The following ALDH1A3 variants were observed in gnomAD, a reference collection of about 807,000 sequenced individuals.
ALDH1A3 encodes the protein aldehyde dehydrogenase 1 family member A3, also known as retinaldehyde dehydrogenase 3.
ALDH1A3 carries 28 observed loss-of-function variants against 57.5 expected under a neutral mutation model. The ratio of observed to expected loss-of-function variants is 0.49; its 90% confidence interval spans 0.36 to 0.67. ALDH1A3 has a LOEUF of 0.67. Ranked by LOEUF, ALDH1A3 falls within the 30% of genes least tolerant of loss-of-function variation. ALDH1A3 has a pLI of 0.00. For synonymous variants in ALDH1A3, 281 were observed against 264.8 expected, an observed-to-expected ratio of 1.06 and a Z score of -0.59; for missense variants, 507 against 669.4, an observed-to-expected ratio of 0.76 and a Z score of 2.68.
At chr15:100,909,688 T>C (rs535345493) in intron 12 of ALDH1A3, among the ~76,000 whole-genome samples, 13 of 152,196 alleles carry the variant, frequency 8.5e-5, no homozygotes, top group Non-Finnish European at 1.9e-4. Flanking sequence ...TTTAGATTAA[T>C]GGGTGGAACT....
chr15:100,909,534 TGTGTGCAAACTCCTCC>T, intron 12 of ALDH1A3, among the ~76,000 whole-genome samples: 1 of 123,696 alleles, frequency 8.1e-6, no homozygotes, highest in South Asian at 3.2e-4. Flanking sequence ...CCTCCACATG[TGTGTGCAAACTCCTCC>T]GTGTGTGTAA....
chr15:100,894,372 G>A lies in ALDH1A3; in HGVS notation c.666+290G>A, dbSNP rs1264506199. 1.1e-5 allele frequency: 3 copies of A among 275,606 alleles called. No individual in the cohort carries two copies. Among genetic ancestry groups the A allele is most frequent in the Non-Finnish European group, 2.1e-5 (3 of 145,472 alleles). The allele number at this position is 275,606 out of a possible 1,614,324, so 17.1% of individuals were successfully genotyped here. A position where few individuals can be genotyped will look rare whatever the true frequency, so the allele number is the denominator to read the frequency against. ...TTTGTCTAGAGAATTTTCAGGGGGG[G>A]TCAACCAAGAGGGAGCCAAATATTT... On this transcript the variant is annotated intron_variant, in intron 6 of 12. Transcript: ENST00000329841. The surrounding 1 kb of genome is among the most constrained non-coding windows in gnomAD (Gnocchi z 4.5).
chr15:100,905,537 G>T lies in ALDH1A3; in HGVS notation c.1083G>T (p.Gln361His). ...TEQGPQIDQK[Q>H]FDKILELIES... ...GTGTCTTGCAGATTGATCAAAAGCA[G>T]TTCGACAAAATCTTAGAGCTGATCG... The change falls in exon 10 of 13, where the codon CAG (glutamine) becomes CAT (histidine). Residue 361 changes from glutamine (Q) to histidine (H), a missense_variant. This residue lies in a region of ALDH1A3 where 432 missense variants were observed against 608.4 expected (regional missense o/e 0.71). Transcript: ENST00000329841. 6.2e-7 allele frequency: 1 copy of T among 1,614,208 alleles called. No individual in the cohort carries two copies. Among genetic ancestry groups the T allele is most frequent in the Non-Finnish European group, 8.5e-7 (1 of 1,180,038 alleles).
intron 1 of ALDH1A3, among the ~76,000 whole-genome samples, chr15:100,881,778 A>G (rs561383642): frequency 9.9e-5 from 15 of 152,062 alleles, no homozygotes; most frequent in East Asian, 3.9e-4. Flanking sequence ...AAAGGCCCCA[A>G]CTGCCTGACA....
At chr15:100,897,526 G>A (rs1451404388) in intron 7 of ALDH1A3, among the ~76,000 whole-genome samples, 4 of 151,390 alleles carry the variant, frequency 2.6e-5, no homozygotes, top group African/African-American at 4.8e-5. Flanking sequence ...GCCTGTCTGC[G>A]GCAGCCTCAG....
Position 100,889,670 on chromosome 15 carries a change from T to G in ALDH1A3, c.345+1958T>G, listed in dbSNP as rs2041629992. ...CCTGTCCTTAAGTGTCAGTATCATC[T>G]TAGGAGCAGAGGCTACAAAGCCACC... is the stretch of plus-strand genomic sequence containing the variant. On this transcript the variant is annotated intron_variant, in intron 3 of 12. Coordinates refer to ENST00000329841, the MANE Select transcript of ALDH1A3 (RefSeq NM_000693.4). The surrounding 1 kb of genome is among the most constrained non-coding windows in gnomAD (Gnocchi z 5.1). Among the ~76,000 whole-genome samples, 1 of 152,214 alleles carries G rather than the reference T, an allele frequency of 6.6e-6. No homozygotes were observed. Among genetic ancestry groups the G allele is most frequent in the Non-Finnish European group, 1.5e-5 (1 of 68,040 alleles).
In ALDH1A3 at chr15:100,886,383, C is replaced by T. The variant is rs115726214; in HGVS notation, c.204+1012C>T. On this transcript the variant is annotated intron_variant, in intron 2 of 12. Coordinates refer to ENST00000329841, the MANE Select transcript of ALDH1A3 (RefSeq NM_000693.4). ...TACAGGTGCTAGGAGGAGAACGAGA[C>T]CCTTGCCCTGGGCCTTGATTTCTCC... Among the ~76,000 whole-genome samples, 1,488 of 152,292 alleles carry T rather than the reference C, an allele frequency of 9.8e-3. 24 individuals carry two copies. The highest frequency in any genetic ancestry group is 0.034 in the African/African-American group (1,409 of 41,552).
chr15:100,890,567 ATG>A (rs1194527268), intron 3 of ALDH1A3, among the ~76,000 whole-genome samples: 1 of 152,232 alleles, frequency 6.6e-6, no homozygotes, highest in African/African-American at 2.4e-5. Context: ...AATGTTCGCC[ATG>A]TACCTGGCTT....
At chr15:100,883,433 C>T (rs766881962) in intron 1 of ALDH1A3, among the ~76,000 whole-genome samples, 6 of 152,160 alleles carry the variant, frequency 3.9e-5, no homozygotes, top group Admixed American at 6.5e-5. Context: ...TTTCCTGGTG[C>T]GCTTCCCTGG....
intron 1 of ALDH1A3, 88 bp from the exon 2 acceptor site, chr15:100,885,179 G>A (rs1421571362): frequency 6.6e-6 from 6 of 910,908 alleles, no homozygotes; most frequent in Admixed American, 3.7e-5. Flanking sequence ...TGGACAAGAT[G>A]GATAAGACGT....
intron 8 of ALDH1A3, among the ~76,000 whole-genome samples, chr15:100,898,400 C>T (rs1227619258): frequency 6.6e-6 from 1 of 152,250 alleles, no homozygotes; most frequent in East Asian, 1.9e-4. Context: ...AAGCTGCCTT[C>T]TACTGCCAAA....
In ALDH1A3 at chr15:100,880,016, G is replaced by A; in HGVS notation, c.99+10G>A. 6.9e-7 allele frequency: 1 copy of A among 1,452,836 alleles called. No individual in the cohort carries two copies. Among genetic ancestry groups the A allele is most frequent in the Non-Finnish European group, 9.1e-7 (1 of 1,097,904 alleles). The allele number at this position is 1,452,836 out of a possible 1,614,324, so 90.0% of individuals were successfully genotyped here. On this transcript the variant is annotated intron_variant, in intron 1 of 12. Transcript: ENST00000329841. The stretch of plus-strand genomic sequence containing the variant: ...GGTCAAGTTCACCAAGGTGAGGCGG[G>A]CGCCCCTCCCACCCGACGGCCGCGG...
At chr15:100,883,482 G>T (rs1278149686) in intron 1 of ALDH1A3, among the ~76,000 whole-genome samples, 1 of 152,176 alleles carries the variant, frequency 6.6e-6, no homozygotes, top group Non-Finnish European at 1.5e-5. Flanking sequence ...GCTTCCAGAA[G>T]CCAGACAGGC....
chr15:100,889,635 C>G lies in ALDH1A3; in HGVS notation c.345+1923C>G, dbSNP rs908252752. Among the ~76,000 whole-genome samples, 1 of 152,216 alleles carries G rather than the reference C, an allele frequency of 6.6e-6. No individual in the cohort carries two copies. On this transcript the variant is annotated intron_variant, in intron 3 of 12. Coordinates refer to ENST00000329841, the MANE Select transcript of ALDH1A3 (RefSeq NM_000693.4). This position sits in a 1 kb window ranked among gnomAD's most constrained non-coding sequence, Gnocchi z 5.1. Reference sequence around the variant, plus strand: ...GAGAGGATGTGCCCTGGGCACCCCCCGCCCTGAACCCTGTCCTTAAGTGTC... The same window carrying G: ...GAGAGGATGTGCCCTGGGCACCCCCGGCCCTGAACCCTGTCCTTAAGTGTC...
At chr15:100,883,459 T>A (rs188858543) in intron 1 of ALDH1A3, among the ~76,000 whole-genome samples, 1 of 152,216 alleles carries the variant, frequency 6.6e-6, no homozygotes, top group African/African-American at 2.4e-5. Flanking sequence ...TGGCCTCACA[T>A]TGGAGACGCT....
intron 1 of ALDH1A3, 143 bp downstream of exon 1, chr15:100,880,149 C>G: frequency 4.2e-6 from 2 of 476,974 alleles, no homozygotes; most frequent in Non-Finnish European, 6.7e-6. Context: ...GGGCGCGGCT[C>G]TCCAGAAACC....
At position 100,891,230 on chromosome 15, in the gene ALDH1A3, G is replaced by A. The variant is rs77912315; in HGVS notation, c.346-1280G>A. Among the ~76,000 whole-genome samples the A allele has an allele frequency of 1.9e-3, 284 of 152,316 alleles. 9 individuals carry two copies. The highest frequency in any genetic ancestry group is 0.012 in the Admixed American group (187 of 15,302). ...ACGCTGGCCCTGTGAGGTAGGAACCGTTATTATTCTTATTTTACAGATGAG... is the reference window on the plus strand; with the variant it reads ...ACGCTGGCCCTGTGAGGTAGGAACCATTATTATTCTTATTTTACAGATGAG... On this transcript the variant is annotated intron_variant, in intron 3 of 12. Coordinates refer to ENST00000329841, the MANE Select transcript of ALDH1A3 (RefSeq NM_000693.4).
intron 3 of ALDH1A3, chr15:100,888,795 A>G (rs1454680801): frequency 2.0e-5 from 3 of 152,262 alleles, no homozygotes; most frequent in Non-Finnish European, 4.4e-5. Context: ...TGATCTATTT[A>G]AGATTCTAGG....
chr15:100,914,718 C>A lies in ALDH1A3; in HGVS notation c.1484C>A (p.Ala495Asp). 6.2e-7 allele frequency: 1 copy of A among 1,613,936 alleles called. No individual in the cohort carries two copies. The highest frequency in any genetic ancestry group is 8.5e-7 in the Non-Finnish European group (1 of 1,179,974). ...NGRELGEYAL[A>D]EYTEVKTVTI... ...GATCACAGAGGTGAATACGCTTTGGCCGAATACACAGAAGTGAAAACTGTC... is the reference window on the plus strand; with the variant it reads ...GATCACAGAGGTGAATACGCTTTGGACGAATACACAGAAGTGAAAACTGTC... Residue 495 changes from alanine (A) to aspartate (D), a missense_variant, in exon 13 of 13, where the codon GCC (alanine) becomes GAC (aspartate). Ala to Asp is a moderately radical substitution (Grantham distance 126). Coordinates refer to ENST00000329841, the MANE Select transcript of ALDH1A3 (RefSeq NM_000693.4).
Sources: allele counts gnomAD v4.1 joint callset (sites outside exome capture counted in the v4.1 genomes callset), GRCh38; gene constraint gnomAD v4.1.1; regional missense constraint gnomAD v4.1.1; non-coding constraint Gnocchi (gnomAD v3.1); transcripts MANE v1.5; gene names NCBI Gene and HGNC (gene_info 2026-07-23, HGNC 2026-07-21).